The following SPATS2L variants were observed in gnomAD, a reference collection of about 807,000 sequenced individuals.
SPATS2L encodes spermatogenesis associated serine rich 2 like.
In SPATS2L, 30 loss-of-function variants were observed where a neutral mutation model predicts 59.6. That is an observed-to-expected ratio of 0.50 (90% CI 0.38 to 0.68). SPATS2L has a LOEUF of 0.68. Ranked by LOEUF, SPATS2L falls within the 30% of genes least tolerant of loss-of-function variation. The probability of loss-of-function intolerance (pLI) is 0.00; values close to 1 mark genes in which losing one functional copy is unlikely to be tolerated. For missense variants in SPATS2L, 615 were observed against 700.0 expected, an observed-to-expected ratio of 0.88 and a Z score of 1.37; for synonymous variants, 252 against 263.5, an observed-to-expected ratio of 0.96 and a Z score of 0.42.
chr2:200,346,676 C>T (rs561959297), intron 2 of SPATS2L, among the ~76,000 whole-genome samples: 13 of 152,134 alleles, frequency 8.5e-5, no homozygotes, highest in Non-Finnish European at 1.8e-4. Flanking sequence ...TTAAAAGCAG[C>T]TACTTCCATT....
chr2:200,461,965 A>C (rs2086268359), intron 9 of SPATS2L, among the ~76,000 whole-genome samples: 1 of 152,232 alleles, frequency 6.6e-6, no homozygotes, highest in African/African-American at 2.4e-5. Flanking sequence ...AATGTGATCC[A>C]GGGTGAAGCT....
At chr2:200,336,930 AT>A (rs3835865) in intron 2 of SPATS2L, among the ~76,000 whole-genome samples, 16,354 of 152,148 alleles carry the variant, frequency 0.11, 939 homozygotes, top group Non-Finnish European at 0.13. Flanking sequence ...ACTTAGTGAA[AT>A]TTTTTTTCTA....
intron 6 of SPATS2L, among the ~76,000 whole-genome samples, chr2:200,431,326 A>G (rs1194232537): frequency 6.6e-6 from 1 of 152,244 alleles, no homozygotes; most frequent in Admixed American, 6.5e-5. Flanking sequence ...TACCAATTGT[A>G]TTATCAGGTA....
intron 8 of SPATS2L, among the ~76,000 whole-genome samples, chr2:200,459,546 A>G (rs964304981): frequency 2.6e-5 from 4 of 152,234 alleles, no homozygotes; most frequent in African/African-American, 9.6e-5. Flanking sequence ...TTTGTTGACA[A>G]TGATTTAATC....
At chr2:200,354,411 C>A (rs1205683837) in intron 2 of SPATS2L, among the ~76,000 whole-genome samples, 1 of 152,090 alleles carries the variant, frequency 6.6e-6, no homozygotes, top group East Asian at 1.9e-4. Flanking sequence ...GAGTTTGAGA[C>A]CAATCTGGTA....
chr2:200,416,273 CA>C (rs5837739), intron 4 of SPATS2L, 105 bp from the exon 5 acceptor site: 132,924 of 330,078 alleles, frequency 0.4, 11,327 homozygotes, highest in Admixed American at 0.46. Context: ...ATGAAAAAGC[CA>C]AAAAAAAAAA....
chr2:200,388,523 G>A (rs976939137), intron 2 of SPATS2L, among the ~76,000 whole-genome samples: 1 of 151,824 alleles, frequency 6.6e-6, no homozygotes, highest in Non-Finnish European at 1.5e-5. Context: ...AGTGAACTGC[G>A]ATCACGCCAC....
At chr2:200,452,460 A>G (rs2085526428) in intron 8 of SPATS2L, among the ~76,000 whole-genome samples, 1 of 152,208 alleles carries the variant, frequency 6.6e-6, no homozygotes, top group Non-Finnish European at 1.5e-5. Context: ...TCCTTATACT[A>G]AATCTGTGTG....
chr2:200,312,488 A>G (rs955537268), intron 1 of SPATS2L, among the ~76,000 whole-genome samples: 1 of 152,244 alleles, frequency 6.6e-6, no homozygotes. Flanking sequence ...AAGTTGCCCC[A>G]TTATGGATTG....
chr2:200,340,080 C>T (rs1161881197), intron 2 of SPATS2L, among the ~76,000 whole-genome samples: 2 of 152,138 alleles, frequency 1.3e-5, no homozygotes, highest in African/African-American at 4.8e-5. Flanking sequence ...GAAACCTCGA[C>T]CCACGTCACA....
chr2:200,410,797 C>T (rs1236166108), intron 3 of SPATS2L, among the ~76,000 whole-genome samples: 1 of 152,026 alleles, frequency 6.6e-6, no homozygotes, highest in African/African-American at 2.4e-5. Context: ...TGTGTAAATC[C>T]TCCTCTGGTC....
chr2:200,451,943 A>C (rs1244698496), intron 8 of SPATS2L, among the ~76,000 whole-genome samples: 1 of 151,480 alleles, frequency 6.6e-6, no homozygotes, highest in Non-Finnish European at 1.5e-5. Context: ...AATTTGTTTC[A>C]TTTTATCCTG....
At chr2:200,455,648 GTC>G (rs1395830542) in intron 8 of SPATS2L, among the ~76,000 whole-genome samples, 1 of 152,188 alleles carries the variant, frequency 6.6e-6, no homozygotes, top group Non-Finnish European at 1.5e-5. Flanking sequence ...TGATGATACT[GTC>G]TCTGATTCTT....
intron 1 of SPATS2L, among the ~76,000 whole-genome samples, chr2:200,323,848 G>A (rs1035376509): frequency 2.6e-5 from 4 of 152,214 alleles, no homozygotes; most frequent in Non-Finnish European, 4.4e-5. Context: ...AAAGATTTCA[G>A]AAGATTGCAT....
chr2:200,360,920 A>G (rs1374290870), intron 2 of SPATS2L, among the ~76,000 whole-genome samples: 1 of 142,202 alleles, frequency 7.0e-6, no homozygotes, highest in Non-Finnish European at 1.5e-5. Flanking sequence ...AGAGTTCATC[A>G]TCTGGTTTCC....
At chr2:200,384,910 G>A (rs185681597) in intron 2 of SPATS2L, among the ~76,000 whole-genome samples, 4 of 152,242 alleles carry the variant, frequency 2.6e-5, no homozygotes, top group Admixed American at 2.6e-4. Context: ...ACCAATATCA[G>A]GACTTATATT....
chr2:200,360,993 G>GTGTGTGTGTGTGTA (rs1273810962), intron 2 of SPATS2L, among the ~76,000 whole-genome samples: 14 of 151,202 alleles, frequency 9.3e-5, no homozygotes, highest in African/African-American at 3.4e-4. Context: ...GTGTGTGTGT[G>GTGTGTGTGTGTGTA]TGTGACTGTG....
chr2:200,422,537 C>A lies in SPATS2L; in HGVS notation c.445+3041C>A, dbSNP rs868071120. ...GGACAGCAGAGTGAGTAAGACTCCT[C>A]AAAAAAAAAAAAAAAGGGGGAGGAA... On this transcript the variant is annotated intron_variant, in intron 6 of 12. Coordinates refer to ENST00000409140, the MANE Select transcript of SPATS2L (RefSeq NM_001100423.2). Among the ~76,000 whole-genome samples, 336 of 132,838 alleles carry A rather than the reference C, an allele frequency of 2.5e-3. 1 individual carries two copies. Among genetic ancestry groups the A allele is most frequent in the Middle Eastern group, 3.9e-3 (1 of 258 alleles). 87.1% of individuals were successfully genotyped at this position (132,838 alleles called of 152,430 possible).
intron 2 of SPATS2L, among the ~76,000 whole-genome samples, chr2:200,361,027 T>C (rs1032328779): frequency 6.6e-6 from 1 of 150,980 alleles, no homozygotes; most frequent in Non-Finnish European, 1.5e-5. Flanking sequence ...GAATTGCTTC[T>C]GGATCCATTG....
Sources: gnomAD v4.1 joint callset for allele counts (sites outside exome capture counted in the v4.1 genomes callset) on GRCh38, gnomAD v4.1.1 for gene constraint, MANE v1.5 for transcripts, NCBI Gene and HGNC (gene_info 2026-07-23, HGNC 2026-07-21) for gene names.